The following PCDHA8 variants were observed in gnomAD, a reference collection of about 807,000 sequenced individuals.
PCDHA8 encodes protocadherin alpha-8.
PCDHA8 carries 53 observed loss-of-function variants against 61.8 expected under a neutral mutation model. The ratio of observed to expected loss-of-function variants is 0.86; its 90% CI spans 0.69 to 1.08. The LOEUF (loss-of-function observed/expected upper bound fraction) is 1.08, where lower values mean the gene tolerates loss of function less well. Ranked by LOEUF, PCDHA8 falls within the 50% of genes least tolerant of loss-of-function variation. The pLI is 0.00. For synonymous variants in PCDHA8, 618 were observed against 556.6 expected (o/e 1.11, Z -1.55); for missense variants, 1,293 against 1,245.0 (o/e 1.04, Z -0.58).
At position 140,853,803 on chromosome 5, in the gene PCDHA8, C is replaced by T. The variant is rs574954325; in HGVS notation, c.2394+10088C>T. ...GTAAGAGCAAATTTTCATTTTAAAG[C>T]ACACCTGAGATGATTCTCATACAAC... On this transcript the variant is annotated intron_variant, in intron 1 of 3. Transcript: ENST00000531613. 88 of 986,658 alleles carry T rather than the reference C, an allele frequency of 8.9e-5. 10 individuals are homozygous for T. The highest frequency in any genetic ancestry group is 1.9e-4 in the South Asian group (4 of 21,086). The allele number at this position is 986,658 out of a possible 1,614,324, so 61.1% of individuals were successfully genotyped here. A position where few individuals can be genotyped will look rare whatever the true frequency, so the allele number is the denominator to read the frequency against.
intron 1 of PCDHA8, chr5:140,927,513 C>T (rs371881938): frequency 2.2e-5 from 36 of 1,614,062 alleles, no homozygotes; most frequent in South Asian, 3.3e-5. Flanking sequence ...CAGCTCGGGA[C>T]GGCGGGCTAC....
Position 141,003,903 on chromosome 5 carries a change from G to C in PCDHA8, c.2543-5724G>C, listed in dbSNP as rs150270772. Among the ~76,000 whole-genome samples, 254 of 152,194 alleles carry C rather than the reference G, an allele frequency of 1.7e-3. 1 individual carries two copies. Among genetic ancestry groups the C allele is most frequent in the Non-Finnish European group, 3.4e-3 (231 of 67,998 alleles). ...AGCCTCTTAACAGGCCCATTCATTT[G>C]GGTCTTGACTGCATCCTCAGTCTTG... On this transcript the variant is annotated intron_variant, in intron 3 of 3. Coordinates refer to ENST00000531613, the MANE Select transcript of PCDHA8 (RefSeq NM_018911.3).
chr5:140,925,641 TATAATAATAATAATAATA>T (rs10569930), intron 1 of PCDHA8, among the ~76,000 whole-genome samples: 1 of 143,358 alleles, frequency 7.0e-6, no homozygotes, highest in African/African-American at 2.5e-5. Context: ...GAACTTAAAG[TATAATAATAATAATAATA>T]ATAATAATAA....
At chr5:140,894,632 TATC>T (rs1161134901) in intron 1 of PCDHA8, among the ~76,000 whole-genome samples, 1 of 151,990 alleles carries the variant, frequency 6.6e-6, no homozygotes, top group Non-Finnish European at 1.5e-5. Context: ...TCTCCAATCA[TATC>T]ATTACTGAGT....
At chr5:140,885,910 T>C (rs55634134) in intron 1 of PCDHA8, among the ~76,000 whole-genome samples, 4,308 of 152,302 alleles carry the variant, frequency 0.028, 189 homozygotes, top group African/African-American at 0.098. Context: ...CTGTACCTTA[T>C]AGATATTAAC....
At chr5:140,967,150 C>G (rs1400431511) in intron 1 of PCDHA8, 1 of 1,610,886 alleles carries the variant, frequency 6.2e-7, no homozygotes, top group African/African-American at 1.3e-5. Context: ...CGCACAACCC[C>G]GTGGCGGTGA....
At chr5:140,845,380 G>A (rs1779849548) in intron 1 of PCDHA8, among the ~76,000 whole-genome samples, 1 of 149,264 alleles carries the variant, frequency 6.7e-6, no homozygotes, top group South Asian at 2.1e-4. Context: ...TAAATAGGAG[G>A]ATTCTTTCCA....
chr5:140,948,255 C>G (rs1271882562), intron 1 of PCDHA8, among the ~76,000 whole-genome samples: 1 of 151,484 alleles, frequency 6.6e-6, no homozygotes, highest in Non-Finnish European at 1.5e-5. Flanking sequence ...ATTTTTACAT[C>G]TGTGTTCATG....
intron 1 of PCDHA8, among the ~76,000 whole-genome samples, chr5:140,925,197 A>G (rs1259349657): frequency 1.3e-5 from 2 of 152,310 alleles, no homozygotes; most frequent in East Asian, 3.9e-4. Context: ...CCCAGCTTCA[A>G]TAATTATCGA....
chr5:140,981,895 G>A (rs2153826767), intron 2 of PCDHA8, among the ~76,000 whole-genome samples: 1 of 152,252 alleles, frequency 6.6e-6, no homozygotes, highest in East Asian at 1.9e-4. Flanking sequence ...TCTGAGCGGG[G>A]ATCTGTGAGT....
intron 1 of PCDHA8, among the ~76,000 whole-genome samples, chr5:140,974,639 G>A (rs896104665): frequency 2.0e-5 from 3 of 152,198 alleles, no homozygotes; most frequent in African/African-American, 7.2e-5. Context: ...AACCTCCCGA[G>A]TAGCTGAGAT....
chr5:140,993,012 C>G (rs1307637137), intron 3 of PCDHA8, among the ~76,000 whole-genome samples: 2 of 152,198 alleles, frequency 1.3e-5, no homozygotes, highest in Admixed American at 1.3e-4. Context: ...CCCCAGAGTC[C>G]AGCATCCCCT....
At chr5:140,980,440 G>A (rs1317929590) in intron 2 of PCDHA8, among the ~76,000 whole-genome samples, 1 of 152,144 alleles carries the variant, frequency 6.6e-6, no homozygotes, top group African/African-American at 2.4e-5. Flanking sequence ...GACCATCCTG[G>A]ACAACACGGT....
In PCDHA8 at chr5:140,900,299, G is replaced by T. The variant is rs1042472528; in HGVS notation, c.2394+56584G>T. ...CCACACTTTCTTTTCTGTTTTTTTA[G>T]ACAGTCTCACTTTTGTCGCCCAGGC... On this transcript the variant is annotated intron_variant, in intron 1 of 3. Coordinates refer to ENST00000531613, the MANE Select transcript of PCDHA8 (RefSeq NM_018911.3). 2.0e-5 allele frequency among the ~76,000 whole-genome samples: 3 copies of T among 151,604 alleles called. No homozygotes were observed. The East Asian group carries it at 5.8e-4, about 29-fold the overall frequency.
intron 1 of PCDHA8, among the ~76,000 whole-genome samples, chr5:140,891,266 T>G (rs1301781810): frequency 1.3e-5 from 2 of 152,188 alleles, no homozygotes; most frequent in Non-Finnish European, 2.9e-5. Context: ...ATTTTTAATT[T>G]TTCCGTAAGT....
In PCDHA8 at chr5:140,996,437, G is replaced by A. The variant is rs1013018828; in HGVS notation, c.2543-13190G>A. On this transcript the variant is annotated intron_variant, in intron 3 of 3. Coordinates refer to ENST00000531613, the MANE Select transcript of PCDHA8 (RefSeq NM_018911.3). Reference sequence around the variant, plus strand: ...AGTGTGAAAACTTTGGGAATAGTCAGTGTCAAGTTGTGGTGCTAAGGGAGG... The same window carrying A: ...AGTGTGAAAACTTTGGGAATAGTCAATGTCAAGTTGTGGTGCTAAGGGAGG... Among the ~76,000 whole-genome samples the A allele has an allele frequency of 4.6e-5, 7 of 152,224 alleles. 1 individual carries two copies. The highest frequency in any genetic ancestry group is 2.6e-4 in the Admixed American group (4 of 15,280).
intron 1 of PCDHA8, among the ~76,000 whole-genome samples, chr5:140,913,854 A>G: frequency 6.6e-6 from 1 of 152,128 alleles, no homozygotes; most frequent in Middle Eastern, 3.2e-3. Context: ...ATTCAGGAGC[A>G]TATTGTTTAA....
chr5:140,956,904 G>A lies in PCDHA8; in HGVS notation c.2395-22045G>A, dbSNP rs182022057. ...TATCAATGAATGAATATTCTTAAAT[G>A]TATAAACTTTAATCTTGCTGGATAT... On this transcript the variant is annotated intron_variant, in intron 1 of 3. Transcript: ENST00000531613. Among the ~76,000 whole-genome samples, 178 of 152,232 alleles carry A rather than the reference G, an allele frequency of 1.2e-3. 1 individual carries two copies. Among genetic ancestry groups the A allele is most frequent in the African/African-American group, 3.9e-3 (163 of 41,538 alleles).
chr5:140,939,280 C>T (rs985518425), intron 1 of PCDHA8, among the ~76,000 whole-genome samples: 1 of 152,064 alleles, frequency 6.6e-6, no homozygotes, highest in Non-Finnish European at 1.5e-5. Flanking sequence ...GCTGTGCCCT[C>T]GTGATCTAAT....
Sources: gnomAD v4.1 joint callset for allele counts (sites outside exome capture counted in the v4.1 genomes callset) on GRCh38, gnomAD v4.1.1 for gene constraint, MANE v1.5 for transcripts, NCBI Gene and HGNC (gene_info 2026-07-23, HGNC 2026-07-21) for gene names.